Variants in FMN1 observed in about 807,000 individuals in gnomAD.
The protein encoded by FMN1 is formin-1.
A neutral mutation model predicts 132.4 loss-of-function variants in FMN1; 110 were observed. That is an observed-to-expected ratio of 0.83 (90% CI 0.71 to 0.97). The LOEUF (loss-of-function observed/expected upper bound fraction) is 0.97, where lower values mean the gene tolerates loss of function less well. FMN1 is among the 50% of genes least tolerant of loss of function. FMN1 has a pLI of 0.00. For missense variants in FMN1, 1,792 were observed against 1,705.3 expected (o/e 1.05, Z -0.90); for synonymous variants, 722 against 651.7 (o/e 1.11, Z -1.64).
chr15:33,091,777 T>C (rs2038912006), intron 4 of FMN1, among the ~76,000 whole-genome samples: 1 of 152,214 alleles, frequency 6.6e-6, no homozygotes, highest in South Asian at 2.1e-4. Flanking sequence ...ATACCCAAGC[T>C]AGTCTCTCCA....
intron 12 of FMN1, among the ~76,000 whole-genome samples, chr15:32,902,380 A>AT (rs2060319385): frequency 6.6e-6 from 1 of 152,212 alleles, no homozygotes; most frequent in Admixed American, 6.5e-5. Flanking sequence ...TTAACACACG[A>AT]GAAAAATTAT....
chr15:33,099,329 TGTGTGTCAGGACTCTGACTG>T (rs1193838366), intron 4 of FMN1, among the ~76,000 whole-genome samples: 1 of 152,174 alleles, frequency 6.6e-6, no homozygotes, highest in African/African-American at 2.4e-5. Context: ...TCGAGTGTAC[TGTGTGTCAGGACTCTGACTG>T]ACACAATAAT....
At chr15:32,966,989 T>C (rs1343014347) in intron 8 of FMN1, among the ~76,000 whole-genome samples, 1 of 152,220 alleles carries the variant, frequency 6.6e-6, no homozygotes, top group Non-Finnish European at 1.5e-5. Context: ...AGTGCCCGTG[T>C]TGCAGTCTTA....
intron 10 of FMN1, among the ~76,000 whole-genome samples, chr15:32,923,188 T>C (rs2060876186): frequency 6.6e-6 from 1 of 152,198 alleles, no homozygotes; most frequent in Non-Finnish European, 1.5e-5. Flanking sequence ...GGCTGTGAGA[T>C]CTTGCCAGGC....
At chr15:33,105,134 C>A (rs982794458) in intron 4 of FMN1, among the ~76,000 whole-genome samples, 1 of 152,066 alleles carries the variant, frequency 6.6e-6, no homozygotes, top group Non-Finnish European at 1.5e-5. Flanking sequence ...TAATATTAAA[C>A]ATTTTTTTCC....
chr15:32,995,821 C>A lies in FMN1; in HGVS notation c.2223+12193G>T, dbSNP rs187178280. Among the ~76,000 whole-genome samples the A allele has an allele frequency of 3.6e-3, 552 of 152,284 alleles. 3 individuals are homozygous for A. Among genetic ancestry groups the A allele is most frequent in the African/African-American group, 0.013 (524 of 41,568 alleles). ...GATCTGTGTTTTAACTCTTAGGCTG[C>A]TTATACATATTCAGATGTTTCCTTC... is the stretch of plus-strand genomic sequence containing the variant. On this transcript the variant is annotated intron_variant, in intron 7 of 20. Transcript: ENST00000616417.
intron 19 of FMN1, among the ~76,000 whole-genome samples, chr15:32,794,548 A>G (rs1352944295): frequency 6.6e-6 from 1 of 152,030 alleles, no homozygotes; most frequent in Non-Finnish European, 1.5e-5. Flanking sequence ...GGGTCCTATC[A>G]CCCAGAATAA....
chr15:33,140,537 A>G (rs2140249922), intron 4 of FMN1, among the ~76,000 whole-genome samples: 1 of 152,390 alleles, frequency 6.6e-6, no homozygotes, highest in African/African-American at 2.4e-5. Flanking sequence ...ACGTGCACAC[A>G]GAGAAACATA....
At chr15:33,016,460 A>G (rs143280324) in intron 6 of FMN1, among the ~76,000 whole-genome samples, 221 of 152,328 alleles carry the variant, frequency 1.5e-3, no homozygotes, top group Middle Eastern at 0.01. Flanking sequence ...AGATGCTTAT[A>G]AACAATGCAG....
intron 17 of FMN1, among the ~76,000 whole-genome samples, chr15:32,830,414 G>A (rs2058471362): frequency 6.6e-6 from 1 of 152,152 alleles, no homozygotes; most frequent in African/African-American, 2.4e-5. Context: ...GATAGTGGTT[G>A]AAATAGTTTA....
intron 9 of FMN1, among the ~76,000 whole-genome samples, chr15:32,940,708 A>G (rs1450949915): frequency 6.6e-6 from 1 of 152,148 alleles, no homozygotes; most frequent in Non-Finnish European, 1.5e-5. Flanking sequence ...TCACTTTTAT[A>G]AAACCTCTCC....
intron 19 of FMN1, among the ~76,000 whole-genome samples, chr15:32,795,501 T>G (rs2057253570): frequency 6.6e-6 from 1 of 151,896 alleles, no homozygotes; most frequent in Non-Finnish European, 1.5e-5. Context: ...TAATTCCTGC[T>G]TCATCCTGAT....
At chr15:32,796,789 C>T (rs2057304873) in intron 19 of FMN1, among the ~76,000 whole-genome samples, 1 of 152,196 alleles carries the variant, frequency 6.6e-6, no homozygotes, top group African/African-American at 2.4e-5. Flanking sequence ...GAGTAATATA[C>T]ATAATGTGCT....
rs142773027 is a variant in FMN1, at chr15:32,884,651, C to T, written c.3835+3521G>A. On this transcript the variant is annotated intron_variant, in intron 16 of 20. Transcript: ENST00000616417. The stretch of plus-strand genomic sequence containing the variant: ...GTAAGAACACCCTGAGAGTTCCAGC[C>T]AGCAAGGACAAAGAGGGAGAATGAA... Among the ~76,000 whole-genome samples, 911 of 152,144 alleles carry T rather than the reference C, an allele frequency of 6.0e-3. 12 individuals carry two copies. The highest frequency in any genetic ancestry group is 0.021 in the African/African-American group (866 of 41,552).
At chr15:32,848,166 C>T (rs2058905623) in intron 17 of FMN1, among the ~76,000 whole-genome samples, 1 of 152,084 alleles carries the variant, frequency 6.6e-6, no homozygotes. Context: ...TATTAGAGGC[C>T]TCTTCTTGAC....
chr15:32,897,422 T>C (rs2141570270), intron 15 of FMN1, among the ~76,000 whole-genome samples: 1 of 152,286 alleles, frequency 6.6e-6, no homozygotes, highest in African/African-American at 2.4e-5. Flanking sequence ...TTTAAATTTA[T>C]TATTTCCAGA....
At chr15:32,967,977 G>A (rs1275094541) in intron 8 of FMN1, among the ~76,000 whole-genome samples, 1 of 152,188 alleles carries the variant, frequency 6.6e-6, no homozygotes, top group Non-Finnish European at 1.5e-5. Flanking sequence ...CAGAAATAAG[G>A]CAGAACAAAT....
intron 3 of FMN1, among the ~76,000 whole-genome samples, chr15:33,176,445 G>T (rs1018237564): frequency 2.8e-5 from 4 of 144,906 alleles, no homozygotes; most frequent in Non-Finnish European, 6.0e-5. Context: ...GGCAAAGGTT[G>T]CAGTGAGACA....
At chr15:32,998,820 TG>T (rs1389865462) in intron 7 of FMN1, among the ~76,000 whole-genome samples, 1 of 152,224 alleles carries the variant, frequency 6.6e-6, no homozygotes, top group Non-Finnish European at 1.5e-5. Context: ...AAACCATCAT[TG>T]GCCCCCATGA....
Sources: gnomAD v4.1 joint callset for allele counts (sites outside exome capture counted in the v4.1 genomes callset) on GRCh38, gnomAD v4.1.1 for gene constraint, MANE v1.5 for transcripts, NCBI Gene and HGNC (gene_info 2026-07-23, HGNC 2026-07-21) for gene names.